The following MAGI1 variants were observed in gnomAD, a reference collection of about 807,000 sequenced individuals.
MAGI1 encodes membrane-associated guanylate kinase, WW and PDZ domain-containing protein 1.
A neutral mutation model predicts 139.9 loss-of-function variants in MAGI1; 58 were observed. That is an observed-to-expected ratio of 0.41 (90% CI 0.34 to 0.52). MAGI1 has a LOEUF of 0.52. Ranked by LOEUF, MAGI1 falls within the 20% of genes least tolerant of loss-of-function variation. MAGI1 has a pLI of 0.12. For missense variants in MAGI1, 1,874 were observed against 1,901.6 expected, an observed-to-expected ratio of 0.99 and a Z score of 0.27; for synonymous variants, 812 against 737.9, an observed-to-expected ratio of 1.10 and a Z score of -1.63.
At chr3:65,510,003 C>G (rs538859293) in intron 2 of MAGI1, among the ~76,000 whole-genome samples, 59 of 152,202 alleles carry the variant, frequency 3.9e-4, no homozygotes, top group African/African-American at 1.3e-3. Flanking sequence ...ACCCCTGACC[C>G]CCGAGCACCC....
intron 1 of MAGI1, among the ~76,000 whole-genome samples, chr3:65,739,763 A>G (rs2035100592): frequency 6.6e-6 from 1 of 152,196 alleles, no homozygotes; most frequent in Non-Finnish European, 1.5e-5. Flanking sequence ...GAACACACAC[A>G]ACACTTATTA....
intron 1 of MAGI1, among the ~76,000 whole-genome samples, chr3:65,868,910 T>C (rs2059819849): frequency 6.6e-6 from 1 of 152,096 alleles, no homozygotes; most frequent in Non-Finnish European, 1.5e-5. Flanking sequence ...GCCTGGACAT[T>C]TTCAACCCTC....
At chr3:66,019,984 C>T (rs2067873859) in intron 1 of MAGI1, among the ~76,000 whole-genome samples, 1 of 152,178 alleles carries the variant, frequency 6.6e-6, no homozygotes, top group Non-Finnish European at 1.5e-5. Flanking sequence ...TGACCCCACC[C>T]GTTACTGCAA....
At chr3:65,851,662 T>G (rs1019850798) in intron 1 of MAGI1, among the ~76,000 whole-genome samples, 11 of 151,948 alleles carry the variant, frequency 7.2e-5, no homozygotes, top group African/African-American at 2.7e-4. Flanking sequence ...GGTAGGAGAA[T>G]CGCTTGAACC....
At chr3:65,567,933 T>G (rs541363132) in intron 2 of MAGI1, among the ~76,000 whole-genome samples, 1 of 152,214 alleles carries the variant, frequency 6.6e-6, no homozygotes, top group African/African-American at 2.4e-5. Context: ...TATATTTAAT[T>G]TAGGCTGAAC....
intron 1 of MAGI1, among the ~76,000 whole-genome samples, chr3:65,756,872 T>C (rs1332741833): frequency 2.0e-5 from 3 of 152,200 alleles, no homozygotes; most frequent in African/African-American, 7.2e-5. Context: ...CTTTATTACC[T>C]ATCCCTGATG....
At chr3:65,653,608 C>G (rs1013824626) in intron 1 of MAGI1, among the ~76,000 whole-genome samples, 1 of 152,146 alleles carries the variant, frequency 6.6e-6, no homozygotes, top group African/African-American at 2.4e-5. Flanking sequence ...TTGCATTTAA[C>G]AATTCCCTAA....
intron 1 of MAGI1, among the ~76,000 whole-genome samples, chr3:65,654,624 CT>C (rs202095888): frequency 7.0e-4 from 102 of 146,698 alleles, no homozygotes; most frequent in East Asian, 5.7e-3. Flanking sequence ...TGAGTAATGA[CT>C]TTTTTTTTTT....
chr3:65,551,525 T>C (rs1323501171), intron 2 of MAGI1, among the ~76,000 whole-genome samples: 7 of 152,030 alleles, frequency 4.6e-5, no homozygotes, highest in Admixed American at 3.9e-4. Flanking sequence ...TGGTCTCGAT[T>C]TCCTGACCTC....
chr3:65,630,117 T>A (rs1166005403), intron 1 of MAGI1, among the ~76,000 whole-genome samples: 1 of 152,200 alleles, frequency 6.6e-6, no homozygotes, highest in Non-Finnish European at 1.5e-5. Context: ...TGCACACTTA[T>A]AATACACTTA....
chr3:65,601,348 A>G (rs902092347), intron 2 of MAGI1, among the ~76,000 whole-genome samples: 1 of 152,186 alleles, frequency 6.6e-6, no homozygotes, highest in African/African-American at 2.4e-5. Flanking sequence ...AAAATGTAGT[A>G]AGAACAGCCA....
intron 2 of MAGI1, among the ~76,000 whole-genome samples, chr3:65,545,631 T>C (rs779882757): frequency 6.6e-6 from 1 of 152,164 alleles, no homozygotes; most frequent in Non-Finnish European, 1.5e-5. Context: ...CTTAAGCATC[T>C]ACAGAGTTCC....
At chr3:65,555,903 T>C (rs2080063320) in intron 2 of MAGI1, among the ~76,000 whole-genome samples, 1 of 152,146 alleles carries the variant, frequency 6.6e-6, no homozygotes, top group Non-Finnish European at 1.5e-5. Context: ...CAGAGCCTGA[T>C]GGAAACTAGG....
chr3:65,788,986 T>G (rs911860466), intron 1 of MAGI1, among the ~76,000 whole-genome samples: 1 of 152,064 alleles, frequency 6.6e-6, no homozygotes, highest in Non-Finnish European at 1.5e-5. Context: ...AAGACCAGCC[T>G]GAGCAACATA....
At chr3:65,694,513 A>C (rs2088970765) in intron 1 of MAGI1, among the ~76,000 whole-genome samples, 1 of 152,190 alleles carries the variant, frequency 6.6e-6, no homozygotes. Context: ...CTTCAACTCC[A>C]TTTTTCAGAT....
intron 1 of MAGI1, among the ~76,000 whole-genome samples, chr3:65,937,807 A>C (rs567688835): frequency 1.3e-5 from 2 of 152,278 alleles, no homozygotes; most frequent in East Asian, 3.9e-4. Context: ...ACCAAAATTA[A>C]GTAAGATTTT....
intron 1 of MAGI1, among the ~76,000 whole-genome samples, chr3:66,009,857 C>T (rs1024235769): frequency 1.3e-5 from 2 of 151,912 alleles, no homozygotes; most frequent in African/African-American, 4.8e-5. Flanking sequence ...AGGTGGATTG[C>T]TTGAGGTCAG....
At chr3:65,419,758 G>T (rs1448328808) in intron 12 of MAGI1, among the ~76,000 whole-genome samples, 1 of 149,206 alleles carries the variant, frequency 6.7e-6, no homozygotes, top group Non-Finnish European at 1.5e-5. Context: ...CCTTCAGTTG[G>T]GGTCAGCAAA....
At chr3:65,445,408 G>A (rs1357727547) in intron 7 of MAGI1, among the ~76,000 whole-genome samples, 1 of 152,196 alleles carries the variant, frequency 6.6e-6, no homozygotes, top group Non-Finnish European at 1.5e-5. Context: ...TCTGTGGCCT[G>A]TGTACTTGCT....
Sources: gnomAD v4.1 joint callset for allele counts (sites outside exome capture counted in the v4.1 genomes callset) on GRCh38, gnomAD v4.1.1 for gene constraint, MANE v1.5 for transcripts, NCBI Gene and HGNC (gene_info 2026-07-23, HGNC 2026-07-21) for gene names.